Variants in ARFGEF2 observed in about 807,000 individuals in gnomAD.
The protein encoded by ARFGEF2 is ARF guanine nucleotide exchange factor 2.
In ARFGEF2, 74 loss-of-function variants were observed where a neutral mutation model predicts 219.9. That is an observed-to-expected ratio of 0.34 (90% confidence interval 0.28 to 0.41). ARFGEF2 has a LOEUF of 0.41. Among genes scored for constraint, ARFGEF2 ranks in the 10% least tolerant of loss-of-function variants. ARFGEF2 has a pLI of 1.00. For missense variants in ARFGEF2, 1,743 were observed against 2,218.3 expected, an observed-to-expected ratio of 0.79 and a Z score of 4.30; for synonymous variants, 733 against 799.2, an observed-to-expected ratio of 0.92 and a Z score of 1.40.
Position 48,951,329 on chromosome 20 carries a change from A to G in ARFGEF2, c.283A>G (p.Ile95Val). 6.2e-7 allele frequency: 1 copy of G among 1,614,150 alleles called. No individual in the cohort carries two copies. Among genetic ancestry groups the G allele is most frequent in the East Asian group, 2.2e-5 (1 of 44,884 alleles). Residue 95 changes from isoleucine (I) to valine (V), a missense_variant, in exon 4 of 39, where the codon ATC becomes GTC. Physicochemically the swap from Ile to Val is conservative, Grantham distance 29. Around this residue, in one of 5 missense-constraint regions of ARFGEF2, gnomAD observed 394 missense variants for 426.6 expected, o/e 0.92. Transcript: ENST00000371917. ...STSLDCLQKL[I>V]AYGHITGNAP... is the part of the protein sequence containing the mutation. ...CTGTTCTTTCTCTCTTTAGAAACTC[A>G]TCGCATACGGGCACATCACTGGCAA...
intron 1 of ARFGEF2, among the ~76,000 whole-genome samples, chr20:48,938,954 G>A (rs1268900203): frequency 6.7e-6 from 1 of 149,230 alleles, no homozygotes; most frequent in Non-Finnish European, 1.5e-5. Context: ...TTTGTGTTTG[G>A]TTTGTTTTAT....
At chr20:49,027,497 G>A (rs1002010072) in intron 36 of ARFGEF2, among the ~76,000 whole-genome samples, 5 of 152,080 alleles carry the variant, frequency 3.3e-5, no homozygotes, top group Non-Finnish European at 5.9e-5. Context: ...AGGGGTTCAA[G>A]ACCAGCCTGG....
rs773319245 is a variant in ARFGEF2 at position 48,994,541 on chromosome 20, G to A, written c.3064G>A (p.Glu1022Lys). 6.2e-7 allele frequency: 1 copy of A among 1,614,180 alleles called. No individual in the cohort carries two copies. The highest frequency in any genetic ancestry group is 2.2e-5 in the East Asian group (1 of 44,878). ...CCTGTCTGGATCTGGGCGTGAAAGA[G>A]AAGGGAGCCTGAAGGGCCACACATT... ...RYLSGSGRER[E>K]GSLKGHTLAG... Residue 1022 changes from glutamate (E) to lysine (K), a missense_variant, in exon 22 of 39, where the codon GAA becomes AAA. Transcript: ENST00000371917.
intron 27 of ARFGEF2, among the ~76,000 whole-genome samples, chr20:49,011,703 C>T (rs546965807): frequency 3.3e-5 from 5 of 152,268 alleles, no homozygotes; most frequent in East Asian, 1.9e-4. Flanking sequence ...ATTGCTTGAG[C>T]GCAGGAAGAC....
intron 11 of ARFGEF2, among the ~76,000 whole-genome samples, chr20:48,972,925 G>A (rs2123420391): frequency 6.6e-6 from 1 of 152,256 alleles, no homozygotes; most frequent in South Asian, 2.1e-4. Flanking sequence ...TTGGATGGGT[G>A]GAATGAACTG....
At chr20:48,982,713 T>G (rs1030776209) in intron 14 of ARFGEF2, among the ~76,000 whole-genome samples, 14 of 151,994 alleles carry the variant, frequency 9.2e-5, no homozygotes, top group Non-Finnish European at 1.9e-4. Flanking sequence ...CAGACACCCC[T>G]CCCCCTGCCA....
At chr20:48,931,706 C>T (rs1320763340) in intron 1 of ARFGEF2, among the ~76,000 whole-genome samples, 2 of 152,036 alleles carry the variant, frequency 1.3e-5, no homozygotes, top group African/African-American at 4.8e-5. Flanking sequence ...GCAGGAATAG[C>T]TCATGCAAAG....
intron 4 of ARFGEF2, among the ~76,000 whole-genome samples, chr20:48,952,148 C>CTTTTTTTTTTTTTTTTT (rs11475141): frequency 1.8e-5 from 1 of 55,448 alleles, no homozygotes. Flanking sequence ...GAAGTTTGGC[C>CTTTTTTTTTTTTTTTTT]TTTTTTTTTT....
chr20:48,961,021 A>T (rs1206493437), intron 6 of ARFGEF2, among the ~76,000 whole-genome samples: 1 of 150,628 alleles, frequency 6.6e-6, no homozygotes, highest in Non-Finnish European at 1.5e-5. Context: ...CGGAGGTTGC[A>T]GTGAACCGAG....
At chr20:48,932,598 T>G (rs2090920169) in intron 1 of ARFGEF2, among the ~76,000 whole-genome samples, 1 of 152,136 alleles carries the variant, frequency 6.6e-6, no homozygotes, top group Admixed American at 6.5e-5. Flanking sequence ...GGCTATTGAT[T>G]GCGTGTCATC....
intron 14 of ARFGEF2, among the ~76,000 whole-genome samples, chr20:48,984,150 G>A (rs940202246): frequency 2.6e-5 from 4 of 152,218 alleles, no homozygotes; most frequent in Admixed American, 1.3e-4. Context: ...AGGCTGCTAC[G>A]GTGGCCCTTA....
chr20:49,032,970 G>GC lies in ARFGEF2; in HGVS notation c.5182-50dup. 58 of 1,441,268 alleles carry GC rather than the reference G, an allele frequency of 4.0e-5. No homozygotes were observed. The Middle Eastern group carries it at 5.2e-4, about 13-fold the overall frequency. 89.3% of individuals were successfully genotyped at this position (1,441,268 alleles called of 1,614,324 possible). On this transcript the variant is annotated intron_variant, in intron 38 of 38. Transcript: ENST00000371917. ...AGATTAACACTTCTGAAAAACTGGTGCCCAAAAAAAAAAAAAATTGTCTAA... is the reference window on the plus strand; with the variant it reads ...AGATTAACACTTCTGAAAAACTGGTGCCCCAAAAAAAAAAAAAATTGTCTAA...
intron 25 of ARFGEF2, among the ~76,000 whole-genome samples, chr20:49,001,958 C>A (rs966593776): frequency 6.6e-6 from 1 of 152,300 alleles, no homozygotes. Context: ...ATAAAATACA[C>A]ATAACAGGCC....
chr20:48,977,606 G>A (rs991247710), intron 14 of ARFGEF2, among the ~76,000 whole-genome samples: 8 of 152,118 alleles, frequency 5.3e-5, no homozygotes, highest in African/African-American at 7.2e-5. Flanking sequence ...GTGTAAAAGC[G>A]TTCCTATTTC....
chr20:48,964,975 A>G (rs1358150589), intron 7 of ARFGEF2, among the ~76,000 whole-genome samples: 1 of 152,214 alleles, frequency 6.6e-6, no homozygotes, highest in Non-Finnish European at 1.5e-5. Flanking sequence ...AGTTTTATAA[A>G]TTAATTTCTT....
chr20:49,014,461 A>G (rs867292151), intron 30 of ARFGEF2, among the ~76,000 whole-genome samples: 19 of 152,188 alleles, frequency 1.2e-4, no homozygotes, highest in Middle Eastern at 6.8e-3. Context: ...TTAGATGGAA[A>G]AGTAACCTTT....
intron 35 of ARFGEF2, among the ~76,000 whole-genome samples, chr20:49,024,414 T>C (rs1019546176): frequency 1.3e-5 from 2 of 152,088 alleles, no homozygotes; most frequent in African/African-American, 4.8e-5. Context: ...TGGGTAAGGA[T>C]TGTGGTAAAC....
chr20:48,946,255 G>C (rs762322496), intron 3 of ARFGEF2, among the ~76,000 whole-genome samples: 2 of 152,166 alleles, frequency 1.3e-5, no homozygotes, highest in Non-Finnish European at 2.9e-5. Context: ...GGATTGATTT[G>C]CCATAAGCAC....
intron 1 of ARFGEF2, among the ~76,000 whole-genome samples, chr20:48,940,462 T>C (rs1466747017): frequency 6.6e-6 from 1 of 152,254 alleles, no homozygotes; most frequent in African/African-American, 2.4e-5. Flanking sequence ...TTGGTTTCAA[T>C]ACTTTGTTAT....
Sources: allele counts gnomAD v4.1 joint callset (sites outside exome capture counted in the v4.1 genomes callset), GRCh38; gene constraint gnomAD v4.1.1; regional missense constraint gnomAD v4.1.1; transcripts MANE v1.5; gene names NCBI Gene and HGNC (gene_info 2026-07-23, HGNC 2026-07-21).